The following STAT5B variants were observed in gnomAD, a reference collection of about 807,000 sequenced individuals.
STAT5B encodes the protein transcription factor STAT5B.
In STAT5B, 21 loss-of-function variants were observed where a neutral mutation model predicts 107.8. The ratio of observed to expected loss-of-function variants is 0.19; its 90% CI spans 0.14 to 0.28. The LOEUF (loss-of-function observed/expected upper bound fraction) is 0.28, where lower values mean the gene tolerates loss of function less well. Ranked by LOEUF, STAT5B falls within the 10% of genes least tolerant of loss-of-function variation. The pLI is 1.00. For missense variants in STAT5B, 565 were observed against 1,008.2 expected, an observed-to-expected ratio of 0.56 and a Z score of 5.95; for synonymous variants, 325 against 401.7, an observed-to-expected ratio of 0.81 and a Z score of 2.28.
chr17:42,244,036 T>G (rs2144335348), intron 1 of STAT5B, among the ~76,000 whole-genome samples: 1 of 152,248 alleles, frequency 6.6e-6, no homozygotes. Context: ...AGAAATGATT[T>G]GAAGCTGCCA....
chr17:42,229,072 G>A (rs1036239541), intron 2 of STAT5B, among the ~76,000 whole-genome samples: 12 of 152,216 alleles, frequency 7.9e-5, no homozygotes, highest in Non-Finnish European at 1.0e-4. Flanking sequence ...AATAGAATAC[G>A]TATTAAATGA....
intron 15 of STAT5B, among the ~76,000 whole-genome samples, chr17:42,207,982 A>G (rs1026554412): frequency 2.6e-5 from 4 of 151,000 alleles, no homozygotes; most frequent in Non-Finnish European, 5.9e-5. Flanking sequence ...GCAACCTCCA[A>G]CTCCCTGGTT....
chr17:42,287,973 C>G, the STAT5B span: 1 of 152,250 alleles, frequency 6.6e-6, no homozygotes, highest in Admixed American at 6.5e-5. Context: ...TCTCTGAGGT[C>G]ACAAAACCTG....
intron 1 of STAT5B, among the ~76,000 whole-genome samples, chr17:42,251,169 T>A (rs773449531): frequency 6.6e-6 from 1 of 151,042 alleles, no homozygotes; most frequent in Admixed American, 6.6e-5. Flanking sequence ...ATTTGGGGGG[T>A]GGGGGTTCAC....
intron 12 of STAT5B, chr17:42,214,238 G>T (rs1339847908): frequency 1.0e-6 from 1 of 985,106 alleles, no homozygotes; most frequent in Non-Finnish European, 1.2e-6. Context: ...CAAGATACTT[G>T]AGTAATTACA....
Position 42,227,700 on chromosome 17 carries a change from T to C in STAT5B, c.129-15A>G. The C allele has an allele frequency of 6.2e-7, 1 of 1,613,654 alleles. No individual in the cohort carries two copies. Among genetic ancestry groups the C allele is most frequent in the Non-Finnish European group, 8.5e-7 (1 of 1,179,838 alleles). On this transcript the variant is annotated splice_polypyrimidine_tract_variant and intron_variant, in intron 2 of 18. Transcript: ENST00000293328. ...CTACTGAGTCCCTAGGGGAAAAAAA[T>C]TACATAATCTGTATACATACATGCA...
chr17:42,211,293 A>C (rs1465641064), intron 13 of STAT5B, among the ~76,000 whole-genome samples: 2 of 152,082 alleles, frequency 1.3e-5, no homozygotes, highest in Non-Finnish European at 2.9e-5. Flanking sequence ...AGATCACCTG[A>C]GGTCGGGAGT....
chr17:42,285,798 T>C, the STAT5B span, among the ~76,000 whole-genome samples: 1 of 152,078 alleles, frequency 6.6e-6, no homozygotes, highest in Non-Finnish European at 1.5e-5. Context: ...GAAAGTTCCA[T>C]AGCTCCTCCT....
chr17:42,227,127 T>G (rs1360856092), intron 3 of STAT5B, among the ~76,000 whole-genome samples: 1 of 17,892 alleles, frequency 5.6e-5, no homozygotes, highest in African/African-American at 1.8e-4. Flanking sequence ...AGAGCAAGAC[T>G]CCGTCTCAAA....
chr17:42,258,161 A>T (rs1455142780), intron 1 of STAT5B, among the ~76,000 whole-genome samples: 1 of 152,230 alleles, frequency 6.6e-6, no homozygotes, highest in Non-Finnish European at 1.5e-5. Flanking sequence ...TTTTACATTC[A>T]ATAAATTACA....
At chr17:42,246,247 C>T (rs1402052842) in intron 1 of STAT5B, among the ~76,000 whole-genome samples, 1 of 152,052 alleles carries the variant, frequency 6.6e-6, no homozygotes, top group African/African-American at 2.4e-5. Context: ...TATTTCCTAA[C>T]ATGATAATAT....
intron 1 of STAT5B, chr17:42,268,742 G>A (rs1006154728): frequency 1.3e-5 from 2 of 152,126 alleles, no homozygotes; most frequent in African/African-American, 4.8e-5. Context: ...TTAAAGAGCT[G>A]TAGATTTCTG....
intron 12 of STAT5B, among the ~76,000 whole-genome samples, chr17:42,215,430 C>T (rs2080163178): frequency 6.6e-6 from 1 of 152,028 alleles, no homozygotes; most frequent in Admixed American, 6.6e-5. Flanking sequence ...CAAGAGTATC[C>T]CTGTGCTGCA....
intron 4 of STAT5B, 80 bp from the exon 5 acceptor site, chr17:42,223,636 C>T: frequency 6.4e-7 from 1 of 1,564,746 alleles, no homozygotes. Context: ...AAAGCCAGCT[C>T]CTACAACCAG....
chr17:42,287,330 A>AC, the STAT5B span, among the ~76,000 whole-genome samples: 60 of 144,518 alleles, frequency 4.2e-4, 1 homozygote, highest in African/African-American at 6.2e-4. Flanking sequence ...ATGAGAATGC[A>AC]CCCCCCCCAA....
chr17:42,242,942 T>C (rs8075281), intron 1 of STAT5B, among the ~76,000 whole-genome samples: 53,611 of 151,064 alleles, frequency 0.35, 10,643 homozygotes, highest in African/African-American at 0.54. Context: ...TCCTTAAGAG[T>C]CATCACCACT....
At chr17:42,241,255 T>G (rs11650435) in intron 1 of STAT5B, among the ~76,000 whole-genome samples, 151,228 of 151,236 alleles carry the variant, frequency 1, 75,610 homozygotes, top group Middle Eastern at 1. Context: ...CAGGAGAATC[T>G]CTTGAACCTG....
Position 42,219,829 on chromosome 17 carries a change from C to T in STAT5B, c.564G>A (p.Pro188=), listed in dbSNP as rs747457595. 2.0e-5 allele frequency: 33 copies of T among 1,613,988 alleles called. No homozygotes were observed. The highest frequency in any genetic ancestry group is 4.5e-5 in the East Asian group (2 of 44,878). The part of the protein sequence containing the change: ...ESLRIQAQFG[P]LAQLSPQERL... Reference sequence around the variant, plus strand: ...GCTCCTGGGGGCTCAGCTGGGCCAGCGGGCCAAACTGAGCTAGAGGAGGGG... The same window carrying T: ...GCTCCTGGGGGCTCAGCTGGGCCAGTGGGCCAAACTGAGCTAGAGGAGGGG... Residue 188 remains proline (P), a synonymous_variant, in exon 6 of 19, where the codon CCG becomes CCA. Coordinates refer to ENST00000293328, the MANE Select transcript of STAT5B (RefSeq NM_012448.4).
intron 5 of STAT5B, among the ~76,000 whole-genome samples, chr17:42,222,564 T>C (rs1208918363): frequency 2.0e-5 from 3 of 152,158 alleles, no homozygotes; most frequent in African/African-American, 4.8e-5. Context: ...CCCTTAGAGA[T>C]AGGGTCTTAC....
Sources: allele counts gnomAD v4.1 joint callset (sites outside exome capture counted in the v4.1 genomes callset), GRCh38; gene constraint gnomAD v4.1.1; transcripts MANE v1.5; gene names NCBI Gene and HGNC (gene_info 2026-07-23, HGNC 2026-07-21).